Variants in SRPK2 observed in about 807,000 individuals in gnomAD.
SRPK2 encodes the protein SFRS protein kinase 2.
In SRPK2, 21 loss-of-function variants were observed where a neutral mutation model predicts 90.8. The ratio of observed to expected loss-of-function variants is 0.23; its 90% confidence interval spans 0.16 to 0.33. The LOEUF (loss-of-function observed/expected upper bound fraction) is 0.33. SRPK2 is among the 10% of genes least tolerant of loss of function. The probability of loss-of-function intolerance (pLI) is 1.00; values close to 1 mark genes in which losing one functional copy is unlikely to be tolerated. For synonymous variants in SRPK2, 288 were observed against 311.1 expected (o/e 0.93, Z 0.78); for missense variants, 620 against 869.0 (o/e 0.71, Z 3.60).
At chr7:105,313,062 A>G (rs371026600) in intron 2 of SRPK2, among the ~76,000 whole-genome samples, 16 of 152,248 alleles carry the variant, frequency 1.1e-4, no homozygotes, top group African/African-American at 3.9e-4. Flanking sequence ...GTGGGCAATA[A>G]CATCACAAAA....
At chr7:105,373,850 A>G (rs778922002) in intron 2 of SRPK2, among the ~76,000 whole-genome samples, 1 of 152,072 alleles carries the variant, frequency 6.6e-6, no homozygotes, top group Non-Finnish European at 1.5e-5. Flanking sequence ...CCTGTACCAT[A>G]CTTCCTTTTC....
chr7:105,128,271 A>G (rs1801491372), intron 13 of SRPK2, among the ~76,000 whole-genome samples: 2 of 152,208 alleles, frequency 1.3e-5, no homozygotes, highest in Admixed American at 1.3e-4. Flanking sequence ...TGAACTCAGG[A>G]TCCCTGCCCT....
chr7:105,206,072 CT>C (rs1796201986), intron 2 of SRPK2: 1 of 509,424 alleles, frequency 2.0e-6, no homozygotes, highest in Non-Finnish European at 3.9e-6. Flanking sequence ...TGCTGTGGGG[CT>C]GTCGTGTGCA....
chr7:105,306,768 A>C (rs1811192314), intron 2 of SRPK2: 2 of 200,038 alleles, frequency 1.0e-5, no homozygotes, highest in African/African-American at 4.7e-5. Context: ...AAAATGTCAT[A>C]AATTTCTCAG....
intron 9 of SRPK2, 65 bp from the exon 10 acceptor site, chr7:105,143,395 T>C: frequency 6.4e-7 from 1 of 1,552,828 alleles, no homozygotes; most frequent in Non-Finnish European, 8.7e-7. Flanking sequence ...GTATAACGAC[T>C]AGCAGCATGG....
chr7:105,384,854 C>T (rs1821349058), intron 2 of SRPK2, among the ~76,000 whole-genome samples: 1 of 151,940 alleles, frequency 6.6e-6, no homozygotes, highest in African/African-American at 2.4e-5. Flanking sequence ...TACCCCCATC[C>T]CCACAATCTA....
chr7:105,169,692 G>A (rs182373834), intron 3 of SRPK2, among the ~76,000 whole-genome samples: 17 of 152,136 alleles, frequency 1.1e-4, no homozygotes, highest in African/African-American at 1.7e-4. Flanking sequence ...AAAAGTGTGC[G>A]ACTGCAATCC....
At chr7:105,225,156 T>C (rs1349784033) in intron 2 of SRPK2, among the ~76,000 whole-genome samples, 1 of 151,650 alleles carries the variant, frequency 6.6e-6, no homozygotes, top group Non-Finnish European at 1.5e-5. Flanking sequence ...AGGCTTTTTT[T>C]AGAGACCCCC....
At chr7:105,160,788 G>T (rs117548414) in intron 6 of SRPK2, among the ~76,000 whole-genome samples, 175 bp from the exon 7 acceptor site, 4,601 of 152,188 alleles carry the variant, frequency 0.03, 99 homozygotes, top group Non-Finnish European at 0.049. Flanking sequence ...AACAAGAACT[G>T]ACATTACTAA....
At chr7:105,284,453 T>C (rs1252375760) in intron 2 of SRPK2, among the ~76,000 whole-genome samples, 1 of 152,194 alleles carries the variant, frequency 6.6e-6, no homozygotes, top group Non-Finnish European at 1.5e-5. Context: ...TTCTGTGCCA[T>C]ACAAAGAAAT....
chr7:105,256,503 A>G (rs901625790), intron 2 of SRPK2, among the ~76,000 whole-genome samples: 4 of 152,288 alleles, frequency 2.6e-5, no homozygotes, highest in Middle Eastern at 3.4e-3. Context: ...CTACAGGTAC[A>G]CATCACCATG....
chr7:105,363,527 A>G (rs1013327397), intron 2 of SRPK2, among the ~76,000 whole-genome samples: 1 of 152,208 alleles, frequency 6.6e-6, no homozygotes, highest in Admixed American at 6.6e-5. Flanking sequence ...GTCAGGAAAC[A>G]ACACGTGCTG....
intron 7 of SRPK2, among the ~76,000 whole-genome samples, chr7:105,148,628 C>T (rs1805021196): frequency 1.3e-5 from 2 of 152,156 alleles, no homozygotes; most frequent in Admixed American, 1.3e-4. Flanking sequence ...TTATATGTTT[C>T]ACATCATCCA....
At chr7:105,236,706 GAAGAC>G (rs1023657464) in intron 2 of SRPK2, among the ~76,000 whole-genome samples, 84 of 152,226 alleles carry the variant, frequency 5.5e-4, no homozygotes, top group African/African-American at 1.9e-3. Context: ...TTGCCAGAGA[GAAGAC>G]AAGACAAGAG....
intron 6 of SRPK2, among the ~76,000 whole-genome samples, chr7:105,162,254 C>G (rs1256323829): frequency 6.6e-6 from 1 of 152,130 alleles, no homozygotes; most frequent in Non-Finnish European, 1.5e-5. Flanking sequence ...GTTGGCCAGG[C>G]TGGTCTCAAA....
chr7:105,132,034 C>G (rs562007645), intron 13 of SRPK2, among the ~76,000 whole-genome samples: 1 of 152,136 alleles, frequency 6.6e-6, no homozygotes, highest in African/African-American at 2.4e-5. Flanking sequence ...AATGACCAAA[C>G]GATGCCAGGC....
intron 3 of SRPK2, among the ~76,000 whole-genome samples, chr7:105,169,670 T>C (rs1161877364): frequency 6.6e-6 from 1 of 152,184 alleles, no homozygotes; most frequent in Non-Finnish European, 1.5e-5. Context: ...GAGGCTGCAA[T>C]GAGCCTGAGT....
At chr7:105,245,071 A>ACACACACACC (rs1801448214) in intron 2 of SRPK2, 13 of 575,422 alleles carry the variant, frequency 2.3e-5, no homozygotes, top group Middle Eastern at 4.6e-4. Flanking sequence ...ACACACACAC[A>ACACACACACC]CACCTCTTTT....
chr7:105,373,249 T>C (rs1819897977), intron 2 of SRPK2, among the ~76,000 whole-genome samples: 1 of 152,060 alleles, frequency 6.6e-6, no homozygotes, highest in Admixed American at 6.6e-5. Flanking sequence ...AAAAAGATAC[T>C]AATGCTAATG....
Sources: allele counts gnomAD v4.1 joint callset (sites outside exome capture counted in the v4.1 genomes callset), GRCh38; gene constraint gnomAD v4.1.1; transcripts MANE v1.5; gene names NCBI Gene and HGNC (gene_info 2026-07-23, HGNC 2026-07-21).